IMMP2L: variants seen among roughly 807,000 people sequenced by gnomAD.
IMMP2L encodes inner mitochondrial membrane peptidase subunit 2, also known as mitochondrial inner membrane protease subunit 2.
In IMMP2L, 18 loss-of-function variants were observed where a neutral mutation model predicts 19.3. The ratio of observed to expected loss-of-function variants is 0.93; its 90% confidence interval spans 0.64 to 1.38. The LOEUF is 1.38. Ranked by LOEUF, IMMP2L falls within the 40% of genes most tolerant of loss-of-function variation. IMMP2L has a pLI of 0.00. For synonymous variants in IMMP2L, 76 were observed against 73.0 expected (o/e 1.04, Z -0.21); for missense variants, 233 against 218.2 (o/e 1.07, Z -0.43).
chr7:110,882,673 G>A (rs1199176376), intron 5 of IMMP2L, among the ~76,000 whole-genome samples: 3 of 151,876 alleles, frequency 2.0e-5, no homozygotes, highest in African/African-American at 7.3e-5. Context: ...GAGCCACCAT[G>A]CCCAGCTGTC....
At chr7:111,124,828 G>T in intron 3 of IMMP2L, 1 of 1,611,496 alleles carries the variant, frequency 6.2e-7, no homozygotes. Context: ...TCTCTGGGAA[G>T]CAGGAAAAGA....
intron 5 of IMMP2L, among the ~76,000 whole-genome samples, chr7:110,821,618 A>T (rs1290138007): frequency 1.3e-5 from 2 of 152,012 alleles, no homozygotes; most frequent in Non-Finnish European, 2.9e-5. Context: ...CCCTTATAGA[A>T]AAAGGAAAGG....
intron 3 of IMMP2L, among the ~76,000 whole-genome samples, chr7:111,178,424 G>C: frequency 6.6e-6 from 1 of 151,952 alleles, no homozygotes; most frequent in Middle Eastern, 3.2e-3. Flanking sequence ...CTGAAGGTTG[G>C]GGTAGCTGTA....
intron 2 of IMMP2L, among the ~76,000 whole-genome samples, chr7:111,510,686 C>G (rs1845362810): frequency 6.6e-6 from 1 of 152,122 alleles, no homozygotes; most frequent in African/African-American, 2.4e-5. Flanking sequence ...AGCTTAGAAT[C>G]TGCCAAAATT....
intron 3 of IMMP2L, among the ~76,000 whole-genome samples, chr7:111,275,909 G>T (rs1363079123): frequency 6.6e-6 from 1 of 152,066 alleles, no homozygotes; most frequent in Admixed American, 6.5e-5. Flanking sequence ...AAACTTTACT[G>T]AATCCATTGA....
chr7:111,027,577 TGGTTTCTTCTC>T (rs917462959), intron 3 of IMMP2L, among the ~76,000 whole-genome samples: 3 of 152,054 alleles, frequency 2.0e-5, no homozygotes, highest in Non-Finnish European at 4.4e-5. Context: ...GGGAACTTCC[TGGTTTCTTCTC>T]GGAGGGGATT....
chr7:111,547,515 C>CG lies in IMMP2L; in HGVS notation c.-3+14335_-3+14336insC, dbSNP rs1554546570. 7.8e-3 allele frequency among the ~76,000 whole-genome samples: 1,157 copies of CG among 147,952 alleles called. 23 individuals are homozygous for CG. Among genetic ancestry groups the CG allele is most frequent in the African/African-American group, 0.029 (1,106 of 38,806 alleles). On this transcript the variant is annotated intron_variant, in intron 1 of 5. Transcript: ENST00000405709. ...TAAACAAACTGTCATACCCCCCCCC[C>CG]CTTTTTATCCTGCTTTTTTGCTTGT...
At chr7:110,966,851 A>C (rs1160837305) in intron 3 of IMMP2L, among the ~76,000 whole-genome samples, 1 of 152,048 alleles carries the variant, frequency 6.6e-6, no homozygotes, top group African/African-American at 2.4e-5. Flanking sequence ...AAACTTATTA[A>C]ACTTCTCTTC....
intron 5 of IMMP2L, among the ~76,000 whole-genome samples, chr7:110,772,888 C>G (rs1799128014): frequency 1.3e-5 from 2 of 152,208 alleles, no homozygotes; most frequent in South Asian, 4.1e-4. Context: ...ATGACATGCA[C>G]TCAGAACTGT....
intron 3 of IMMP2L, among the ~76,000 whole-genome samples, chr7:111,088,788 C>T (rs1586183206): frequency 1.3e-5 from 2 of 152,246 alleles, no homozygotes; most frequent in South Asian, 2.1e-4. Context: ...GAGAGAGCCA[C>T]ATTTCATATT....
intron 3 of IMMP2L, among the ~76,000 whole-genome samples, chr7:111,133,344 C>T (rs748278945): frequency 6.6e-6 from 1 of 151,970 alleles, no homozygotes; most frequent in African/African-American, 2.4e-5. Flanking sequence ...GTTACTGTAA[C>T]GTAGTCCAGA....
chr7:111,207,138 C>A (rs1429790603), intron 3 of IMMP2L, among the ~76,000 whole-genome samples: 1 of 152,032 alleles, frequency 6.6e-6, no homozygotes, highest in Non-Finnish European at 1.5e-5. Context: ...TAAGATACTG[C>A]CCTGGTTAGA....
intron 3 of IMMP2L, among the ~76,000 whole-genome samples, chr7:111,439,058 T>C (rs776574910): frequency 3.3e-5 from 5 of 151,808 alleles, no homozygotes; most frequent in East Asian, 3.9e-4. Flanking sequence ...GTCCAGCAGT[T>C]AGAATCAGCC....
At chr7:110,681,645 T>C (rs1223298410) in intron 5 of IMMP2L, among the ~76,000 whole-genome samples, 1 of 152,174 alleles carries the variant, frequency 6.6e-6, no homozygotes, top group Non-Finnish European at 1.5e-5. Flanking sequence ...AAAGGCCTAC[T>C]ACATGCAAAG....
chr7:111,438,669 A>G (rs1204923314), intron 3 of IMMP2L, among the ~76,000 whole-genome samples: 1 of 151,892 alleles, frequency 6.6e-6, no homozygotes, highest in Non-Finnish European at 1.5e-5. Flanking sequence ...ATCTGGACAA[A>G]GCTGATAGGC....
intron 5 of IMMP2L, among the ~76,000 whole-genome samples, chr7:110,883,494 A>G (rs1407403055): frequency 1.3e-5 from 2 of 152,170 alleles, no homozygotes; most frequent in African/African-American, 4.8e-5. Flanking sequence ...CATATTCAGT[A>G]TAACTTGAAG....
In IMMP2L at chr7:111,301,940, A is replaced by C. The variant is rs987417241; in HGVS notation, c.239+185298T>G. Among the ~76,000 whole-genome samples, 39 of 150,160 alleles carry C rather than the reference A, an allele frequency of 2.6e-4. No homozygotes were observed. In the East Asian group the frequency reaches 7.0e-3, roughly 27 times the overall value. ...ATGCTTTAAAAAAAAAAAAAAAAAA[A>C]AAAAAAAAAAACCTTAAGAATTCCC... On this transcript the variant is annotated intron_variant, in intron 3 of 5. Transcript: ENST00000405709.
intron 3 of IMMP2L, among the ~76,000 whole-genome samples, chr7:111,169,130 G>A (rs1217396436): frequency 6.6e-6 from 1 of 151,884 alleles, no homozygotes; most frequent in East Asian, 1.9e-4. Flanking sequence ...GGAGAAGTAT[G>A]TATACAACTA....
At chr7:111,445,837 C>A (rs111858264) in intron 3 of IMMP2L, among the ~76,000 whole-genome samples, 3,139 of 152,182 alleles carry the variant, frequency 0.021, 103 homozygotes, top group African/African-American at 0.072. Flanking sequence ...TGGGCGCAGG[C>A]CAGTGGGTGC....
Sources: gnomAD v4.1 joint callset for allele counts (sites outside exome capture counted in the v4.1 genomes callset) on GRCh38, gnomAD v4.1.1 for gene constraint, MANE v1.5 for transcripts, NCBI Gene and HGNC (gene_info 2026-07-23, HGNC 2026-07-21) for gene names.